Variants in PCDHGB3 observed in about 807,000 individuals in gnomAD.
PCDHGB3 encodes protocadherin gamma subfamily B, 3.
A neutral mutation model predicts 59.2 loss-of-function variants in PCDHGB3; 40 were observed. The ratio of observed to expected loss-of-function variants is 0.68; its 90% confidence interval spans 0.52 to 0.88. The LOEUF (loss-of-function observed/expected upper bound fraction) is 0.88. Ranked by LOEUF, PCDHGB3 falls within the 40% of genes least tolerant of loss-of-function variation. PCDHGB3 has a pLI of 0.00. For missense variants in PCDHGB3, 1,309 were observed against 1,187.9 expected, an observed-to-expected ratio of 1.10 and a Z score of -1.50; for synonymous variants, 581 against 503.6, an observed-to-expected ratio of 1.15 and a Z score of -2.06.
chr5:141,403,040 C>CA (rs1195249780), intron 1 of PCDHGB3: 1 of 1,613,950 alleles, frequency 6.2e-7, no homozygotes, highest in Non-Finnish European at 8.5e-7. Flanking sequence ...CAGGGCCAGT[C>CA]AGATTCGCTA....
At chr5:141,414,897 C>A (rs2095799678) in intron 1 of PCDHGB3, 7 of 1,614,230 alleles carry the variant, frequency 4.3e-6, no homozygotes, top group Non-Finnish European at 5.9e-6. Flanking sequence ...TCCCCACAGA[C>A]GGTTCCACAG....
intron 1 of PCDHGB3, among the ~76,000 whole-genome samples, chr5:141,438,585 TACATAC>T (rs201018754): frequency 0.16 from 9,805 of 59,734 alleles, 612 homozygotes; most frequent in African/African-American, 0.28. Context: ...CATACATACA[TACATAC>T]ATATATATAT....
intron 1 of PCDHGB3, among the ~76,000 whole-genome samples, chr5:141,463,087 C>T (rs971667191): frequency 6.6e-6 from 1 of 152,120 alleles, no homozygotes; most frequent in Non-Finnish European, 1.5e-5. Context: ...CATTTTCCAG[C>T]CCTATGTGAC....
chr5:141,404,405 TC>T, intron 1 of PCDHGB3: 1 of 1,613,914 alleles, frequency 6.2e-7, no homozygotes, highest in South Asian at 1.1e-5. Flanking sequence ...CAATGAGAAT[TC>T]TAGAGTTATT....
At chr5:141,383,865 A>C in intron 1 of PCDHGB3, 3 of 1,614,012 alleles carry the variant, frequency 1.9e-6, no homozygotes, top group Non-Finnish European at 2.5e-6. Context: ...TTCAGGCTCA[A>C]GATGGTCCTG....
In PCDHGB3 at chr5:141,432,571, G is replaced by C; in HGVS notation, c.2415+59762G>C. On this transcript the variant is annotated intron_variant, in intron 1 of 3. Transcript: ENST00000576222. The surrounding 1 kb of genome is among the most constrained non-coding windows in gnomAD (Gnocchi z 6.0). ...GAGACTCCGGCCAGAACGCCTGGCT[G>C]TCCTACCGTCTGCTCAAGGCCAGCG... The C allele has an allele frequency of 6.2e-7, 1 of 1,613,954 alleles. No individual in the cohort carries two copies. The highest frequency in any genetic ancestry group is 8.5e-7 in the Non-Finnish European group (1 of 1,179,992).
In PCDHGB3 at chr5:141,486,432, G is replaced by T; in HGVS notation, c.2416-8375G>T. On this transcript the variant is annotated intron_variant, in intron 1 of 3. Coordinates refer to ENST00000576222, the MANE Select transcript of PCDHGB3 (RefSeq NM_018924.5). This position sits in a 1 kb window ranked among gnomAD's most constrained non-coding sequence, Gnocchi z 5.0. ...CCCTTGGATCGAGAGGCCAAATCTA[G>T]CTATGACATCATGGTCACTGCTTCT... 4 of 1,614,172 alleles carry T rather than the reference G, an allele frequency of 2.5e-6. No homozygotes were observed. Among genetic ancestry groups the T allele is most frequent in the Non-Finnish European group, 2.5e-6 (3 of 1,180,020 alleles).
chr5:141,383,687 C>G, intron 1 of PCDHGB3: 3 of 1,613,968 alleles, frequency 1.9e-6, no homozygotes, highest in Non-Finnish European at 2.5e-6. Flanking sequence ...AGACTGCTCA[C>G]GGTACATGCT....
At chr5:141,415,302 G>A in intron 1 of PCDHGB3, 3 of 1,614,212 alleles carry the variant, frequency 1.9e-6, no homozygotes, top group South Asian at 2.2e-5. Context: ...GCGTCTTCCT[G>A]GCCTTCGTCA....
chr5:141,492,206 G>A (rs1180294159), intron 1 of PCDHGB3, among the ~76,000 whole-genome samples: 2 of 152,204 alleles, frequency 1.3e-5, no homozygotes, highest in Non-Finnish European at 2.9e-5. Context: ...TTAGGTGTGC[G>A]CGCGGGGCTC....
Position 141,431,854 on chromosome 5 carries a change from A to G in PCDHGB3, c.2415+59045A>G. On this transcript the variant is annotated intron_variant, in intron 1 of 3. Coordinates refer to ENST00000576222, the MANE Select transcript of PCDHGB3 (RefSeq NM_018924.5). The surrounding 1 kb of genome is among the most constrained non-coding windows in gnomAD (Gnocchi z 4.8). Reference sequence around the variant, plus strand: ...CCGAAAACTCTCCCAGAGGGACATTAATTGCCCTTTTAAATGTAAATGACC... The same window carrying G: ...CCGAAAACTCTCCCAGAGGGACATTGATTGCCCTTTTAAATGTAAATGACC... The G allele has an allele frequency of 6.2e-7, 1 of 1,614,230 alleles. No individual in the cohort carries two copies. The highest frequency in any genetic ancestry group is 1.3e-5 in the African/African-American group (1 of 75,070).
intron 1 of PCDHGB3, among the ~76,000 whole-genome samples, chr5:141,484,821 G>A (rs1367529999): frequency 6.6e-6 from 1 of 152,122 alleles, no homozygotes; most frequent in Admixed American, 6.5e-5. Context: ...CGTTGAGCGG[G>A]AGGAAGGCGA....
chr5:141,483,099 C>T (rs10068400), intron 1 of PCDHGB3, among the ~76,000 whole-genome samples: 3,098 of 152,014 alleles, frequency 0.02, 87 homozygotes, highest in African/African-American at 0.065. Flanking sequence ...AAAAAGTGTG[C>T]GTGTAAAACA....
At chr5:141,426,667 A>G in intron 1 of PCDHGB3, 2 of 430,860 alleles carry the variant, frequency 4.6e-6, no homozygotes, top group Non-Finnish European at 9.5e-6. Context: ...ATAAATGATA[A>G]CCCACCTCAT....
intron 1 of PCDHGB3, among the ~76,000 whole-genome samples, chr5:141,464,901 G>A (rs1562002452): frequency 6.6e-6 from 1 of 151,916 alleles, no homozygotes; most frequent in Non-Finnish European, 1.5e-5. Context: ...ACCATGTCCA[G>A]CTAATTTTTT....
At chr5:141,381,866 G>A (rs1166624603) in intron 1 of PCDHGB3, among the ~76,000 whole-genome samples, 3 of 53,342 alleles carry the variant, frequency 5.6e-5, no homozygotes, top group Non-Finnish European at 6.8e-5. Flanking sequence ...TTTTGCTCTT[G>A]TTGTCCAGGC....
At position 141,390,471 on chromosome 5, in the gene PCDHGB3, G is replaced by C. The variant is rs969771801; in HGVS notation, c.2415+17662G>C. The C allele has an allele frequency of 7.2e-6, 5 of 697,624 alleles. No homozygotes were observed. The African/African-American group carries it at 9.0e-5, about 13-fold the overall frequency. The allele number at this position is 697,624 out of a possible 1,614,324, so 43.2% of individuals were successfully genotyped here. On this transcript the variant is annotated intron_variant, in intron 1 of 3. Coordinates refer to ENST00000576222, the MANE Select transcript of PCDHGB3 (RefSeq NM_018924.5). ...GGAGTAAAGTAGGAGCAATTGTGTG[G>C]CCCAACATTTGTTTGTTTTTTAGCC... is the stretch of plus-strand genomic sequence containing the variant.
chr5:141,372,345 C>G lies in PCDHGB3; in HGVS notation c.1951C>G (p.Gln651Glu). 1.2e-6 allele frequency: 2 copies of G among 1,613,816 alleles called. No homozygotes were observed. The highest frequency in any genetic ancestry group is 2.2e-5 in the South Asian group (2 of 91,090). The change falls in exon 1 of 4, where the codon CAG becomes GAG. Residue 651 changes from glutamine to glutamate, a missense_variant. Transcript: ENST00000576222. ...RLLVTVRDGG[Q>E]QPLSATVMLH... ...GCTGGTCACTGTGCGTGATGGAGGACAGCAGCCTCTTTCAGCCACCGTCAT... is the reference window on the plus strand; with the variant it reads ...GCTGGTCACTGTGCGTGATGGAGGAGAGCAGCCTCTTTCAGCCACCGTCAT...
chr5:141,463,590 A>G (rs975534405), intron 1 of PCDHGB3, among the ~76,000 whole-genome samples: 3 of 151,848 alleles, frequency 2.0e-5, no homozygotes, highest in African/African-American at 7.3e-5. Flanking sequence ...CTGGGACTAC[A>G]GGTGCCTGCC....
Sources: gnomAD v4.1 joint callset for allele counts (sites outside exome capture counted in the v4.1 genomes callset) on GRCh38, gnomAD v4.1.1 for gene constraint, Gnocchi (gnomAD v3.1) non-coding constraint, MANE v1.5 for transcripts, NCBI Gene and HGNC (gene_info 2026-07-23, HGNC 2026-07-21) for gene names.